The following THSD4 variants were observed in gnomAD, a reference collection of about 807,000 sequenced individuals.
The protein encoded by THSD4 is thrombospondin type-1 domain-containing protein 4.
In THSD4, 69 loss-of-function variants were observed where a neutral mutation model predicts 119.0. The observed-to-expected ratio is 0.58, with a 90% CI of 0.48 to 0.71. THSD4 has a LOEUF of 0.71. THSD4 is among the 30% of genes least tolerant of loss of function. The pLI is 0.00. For synonymous variants in THSD4, 524 were observed against 540.4 expected (o/e 0.97, Z 0.42); for missense variants, 1,393 against 1,391.1 (o/e 1.00, Z -0.02).
intron 7 of THSD4, among the ~76,000 whole-genome samples, chr15:71,631,588 T>C (rs529263198): frequency 3.4e-4 from 52 of 152,100 alleles, no homozygotes; most frequent in Non-Finnish European, 6.2e-4. Flanking sequence ...GAACCCTAAA[T>C]GAGTAGGATG....
At chr15:71,523,075 G>T (rs1426599161) in intron 7 of THSD4, among the ~76,000 whole-genome samples, 1 of 152,194 alleles carries the variant, frequency 6.6e-6, no homozygotes, top group Admixed American at 6.5e-5. Context: ...AGCTCGTGTT[G>T]CTTCATTTTT....
chr15:71,491,463 C>T (rs1221297383), intron 7 of THSD4, among the ~76,000 whole-genome samples: 1 of 152,230 alleles, frequency 6.6e-6, no homozygotes, highest in African/African-American at 2.4e-5. Flanking sequence ...TCAGCCCCCT[C>T]ACCACATGAT....
At chr15:71,599,170 T>C (rs1026663764) in intron 7 of THSD4, among the ~76,000 whole-genome samples, 2 of 152,208 alleles carry the variant, frequency 1.3e-5, no homozygotes, top group Non-Finnish European at 2.9e-5. Flanking sequence ...AGCTAAATTG[T>C]AAATCTTTGA....
At chr15:71,591,050 A>C (rs1236385953) in intron 7 of THSD4, among the ~76,000 whole-genome samples, 1 of 150,656 alleles carries the variant, frequency 6.6e-6, no homozygotes, top group African/African-American at 2.4e-5. Context: ...TGAAGAAAAA[A>C]AAGAATAGTC....
intron 6 of THSD4, among the ~76,000 whole-genome samples, chr15:71,297,479 G>A (rs1355711275): frequency 6.6e-6 from 1 of 151,974 alleles, no homozygotes; most frequent in Admixed American, 6.6e-5. Context: ...GGGATTACAG[G>A]CACGTGCCCC....
intron 2 of THSD4, among the ~76,000 whole-genome samples, chr15:71,152,876 G>A (rs1596227703): frequency 6.6e-6 from 1 of 152,114 alleles, no homozygotes; most frequent in African/African-American, 2.4e-5. Context: ...GTACTCCATG[G>A]GTATAAGCTG....
intron 3 of THSD4, among the ~76,000 whole-genome samples, chr15:71,197,961 G>C (rs1214028025): frequency 2.0e-5 from 3 of 152,196 alleles, no homozygotes; most frequent in Non-Finnish European, 2.9e-5. Flanking sequence ...TGGCTTAGAA[G>C]CTGGAGAATG....
intron 6 of THSD4, among the ~76,000 whole-genome samples, chr15:71,352,905 G>A (rs547819425): frequency 1.3e-5 from 2 of 152,322 alleles, no homozygotes; most frequent in South Asian, 2.1e-4. Flanking sequence ...CTAGGAGAAG[G>A]GAGCATCGTG....
chr15:71,273,543 T>G (rs1006692127), intron 6 of THSD4, among the ~76,000 whole-genome samples: 8 of 152,192 alleles, frequency 5.3e-5, no homozygotes, highest in African/African-American at 1.9e-4. Context: ...AGATTCTAAA[T>G]GTTCTCACCA....
At position 71,426,947 on chromosome 15, in the gene THSD4, C is replaced by G. The variant is rs115234446; in HGVS notation, c.1152+15124C>G. The stretch of plus-strand genomic sequence containing the variant: ...AGGTAGAAATTGGTTATGAAACCTC[C>G]TTTCCTAGAAATAATCATGAATAGG... On this transcript the variant is annotated intron_variant, in intron 7 of 17. Coordinates refer to ENST00000261862, the MANE Select transcript of THSD4 (RefSeq NM_024817.3). Among the ~76,000 whole-genome samples, 1,416 of 152,192 alleles carry G rather than the reference C, an allele frequency of 9.3e-3. 29 individuals are homozygous for G. The highest frequency in any genetic ancestry group is 0.033 in the African/African-American group (1,372 of 41,510).
chr15:71,192,188 C>A (rs545200072), intron 3 of THSD4, among the ~76,000 whole-genome samples: 1 of 152,180 alleles, frequency 6.6e-6, no homozygotes, highest in East Asian at 1.9e-4. Flanking sequence ...AGGTGTGAGC[C>A]ACCGCACCTG....
chr15:71,554,537 C>G (rs534002600), intron 7 of THSD4, among the ~76,000 whole-genome samples: 1 of 152,046 alleles, frequency 6.6e-6, no homozygotes. Context: ...TACAGGCATG[C>G]GCCGCCATGC....
chr15:71,223,774 G>A (rs147112813), intron 4 of THSD4, among the ~76,000 whole-genome samples: 35 of 152,230 alleles, frequency 2.3e-4, no homozygotes, highest in African/African-American at 7.5e-4. Context: ...CGAGGGCTGT[G>A]GGAGCAGAGA....
intron 1 of THSD4, among the ~76,000 whole-genome samples, chr15:71,102,353 T>C (rs1236129641): frequency 6.6e-6 from 1 of 152,156 alleles, no homozygotes; most frequent in Non-Finnish European, 1.5e-5. Context: ...AGGAGTGTAA[T>C]GACACAAATA....
intron 7 of THSD4, among the ~76,000 whole-genome samples, chr15:71,443,571 T>C (rs2047138776): frequency 6.6e-6 from 1 of 152,220 alleles, no homozygotes; most frequent in Non-Finnish European, 1.5e-5. Context: ...TGAAAATACA[T>C]GTTAAGTTCA....
chr15:71,459,939 T>C (rs976511674), intron 7 of THSD4, among the ~76,000 whole-genome samples: 1 of 152,178 alleles, frequency 6.6e-6, no homozygotes, highest in Non-Finnish European at 1.5e-5. Flanking sequence ...TCTACTTCTC[T>C]TATGCCACAC....
intron 11 of THSD4, among the ~76,000 whole-genome samples, chr15:71,744,361 A>G (rs2053294239): frequency 6.6e-6 from 1 of 152,164 alleles, no homozygotes; most frequent in Non-Finnish European, 1.5e-5. Flanking sequence ...CTGGGGCTAC[A>G]GAGATTAAGA....
At chr15:71,255,248 C>A (rs959268464) in intron 5 of THSD4, among the ~76,000 whole-genome samples, 41 of 152,300 alleles carry the variant, frequency 2.7e-4, no homozygotes, top group African/African-American at 8.9e-4. Flanking sequence ...CAAACACACA[C>A]ACACACATAC....
chr15:71,201,342 C>G (rs1215527470), intron 3 of THSD4, among the ~76,000 whole-genome samples: 2 of 152,170 alleles, frequency 1.3e-5, no homozygotes, highest in African/African-American at 4.8e-5. Context: ...TGATATTGAT[C>G]TCACAGGCTC....
Sources: allele counts gnomAD v4.1 joint callset (sites outside exome capture counted in the v4.1 genomes callset), GRCh38; gene constraint gnomAD v4.1.1; transcripts MANE v1.5; gene names NCBI Gene and HGNC (gene_info 2026-07-23, HGNC 2026-07-21).